Variants in PTPRD observed in about 807,000 individuals in gnomAD.
The protein encoded by PTPRD is receptor-type tyrosine-protein phosphatase delta.
A neutral mutation model predicts 214.5 loss-of-function variants in PTPRD; 34 were observed. The ratio of observed to expected loss-of-function variants is 0.16; its 90% confidence interval spans 0.12 to 0.21. PTPRD has a LOEUF of 0.21. PTPRD is among the 10% of genes least tolerant of loss of function. The pLI, the probability that PTPRD is intolerant of heterozygous loss-of-function variation, is 1.00. For missense variants in PTPRD, 2,545 were observed against 2,398.7 expected (o/e 1.06, Z -1.27); for synonymous variants, 1,128 against 845.7 (o/e 1.33, Z -5.79).
chr9:9,901,425 A>G (rs887846675), intron 5 of PTPRD, among the ~76,000 whole-genome samples: 3 of 134,754 alleles, frequency 2.2e-5, no homozygotes, highest in African/African-American at 6.5e-5. Flanking sequence ...TGCATTGCAA[A>G]GATAATCCTC....
At chr9:8,609,447 T>G (rs750521482) in intron 14 of PTPRD, among the ~76,000 whole-genome samples, 1 of 152,230 alleles carries the variant, frequency 6.6e-6, no homozygotes, top group African/African-American at 2.4e-5. Context: ...AGCATTGCCC[T>G]TATGATAGAA....
intron 5 of PTPRD, among the ~76,000 whole-genome samples, chr9:9,927,222 A>T (rs2084640175): frequency 6.6e-6 from 1 of 152,120 alleles, no homozygotes; most frequent in Non-Finnish European, 1.5e-5. Context: ...TGTAAACTAT[A>T]CCCACTGCTG....
At chr9:8,782,619 A>T (rs2095768045) in intron 11 of PTPRD, among the ~76,000 whole-genome samples, 1 of 134,134 alleles carries the variant, frequency 7.5e-6, no homozygotes, top group Non-Finnish European at 1.5e-5. Context: ...TTTTTTTGAG[A>T]CGGAGTCTCG....
intron 11 of PTPRD, among the ~76,000 whole-genome samples, chr9:8,846,229 T>C (rs934542868): frequency 6.6e-6 from 1 of 152,174 alleles, no homozygotes; most frequent in Non-Finnish European, 1.5e-5. Context: ...CATCGTAAAC[T>C]GTAGAACCTA....
intron 11 of PTPRD, among the ~76,000 whole-genome samples, chr9:8,738,571 A>C (rs2091087340): frequency 6.6e-6 from 1 of 152,108 alleles, no homozygotes; most frequent in Non-Finnish European, 1.5e-5. Context: ...AAAAAAATCC[A>C]AGATGATGAG....
chr9:8,514,129 G>A (rs2097737078), intron 21 of PTPRD, among the ~76,000 whole-genome samples: 1 of 152,112 alleles, frequency 6.6e-6, no homozygotes, highest in South Asian at 2.1e-4. Flanking sequence ...TACCTTCACT[G>A]AGTTATGATT....
At chr9:9,723,218 A>G (rs1189774491) in intron 7 of PTPRD, among the ~76,000 whole-genome samples, 3 of 152,008 alleles carry the variant, frequency 2.0e-5, no homozygotes, top group African/African-American at 7.2e-5. Context: ...ATCTGACTTC[A>G]TTCTTTTACA....
chr9:10,357,584 ATACTGGTTTAATATTAGCAT>A (rs1442488690), intron 2 of PTPRD, among the ~76,000 whole-genome samples: 1 of 152,204 alleles, frequency 6.6e-6, no homozygotes, highest in Non-Finnish European at 1.5e-5. Context: ...TGCTGAAAAC[ATACTGGTTTAATATTAGCAT>A]TATTATATCC....
At position 10,303,784 on chromosome 9, in the gene PTPRD, C is replaced by A. The variant is rs549060418; in HGVS notation, c.-545+37179G>T. 1.3e-3 allele frequency among the ~76,000 whole-genome samples: 202 copies of A among 152,040 alleles called. 3 individuals carry two copies. The highest frequency in any genetic ancestry group is 4.5e-3 in the African/African-American group (187 of 41,454). On this transcript the variant is annotated intron_variant, in intron 3 of 45. Transcript: ENST00000381196. ...AGGCAGTTATTAATAGTCTACCAACCAAAAAATGTCCAGGACCAGATGGAT... is the reference window on the plus strand; with the variant it reads ...AGGCAGTTATTAATAGTCTACCAACAAAAAAATGTCCAGGACCAGATGGAT...
At chr9:9,831,852 G>C (rs2054958898) in intron 5 of PTPRD, among the ~76,000 whole-genome samples, 1 of 151,974 alleles carries the variant, frequency 6.6e-6, no homozygotes, top group African/African-American at 2.4e-5. Context: ...ACATTTGCCA[G>C]AGTTTCTATA....
chr9:9,004,489 T>C (rs1431450031), intron 11 of PTPRD, among the ~76,000 whole-genome samples: 2 of 152,002 alleles, frequency 1.3e-5, no homozygotes, highest in Admixed American at 6.6e-5. Flanking sequence ...TGTTTTTTTT[T>C]ACTTGGCTCT....
At chr9:10,518,333 G>C (rs971784869) in intron 2 of PTPRD, among the ~76,000 whole-genome samples, 1 of 152,012 alleles carries the variant, frequency 6.6e-6, no homozygotes, top group African/African-American at 2.4e-5. Context: ...CCAGAGACTG[G>C]TAAATTCACT....
chr9:10,194,339 TATATATAGAGAGAGAGAGAGAGAG>T (rs1379942004), intron 3 of PTPRD, among the ~76,000 whole-genome samples: 1,664 of 67,788 alleles, frequency 0.025, 10 homozygotes, highest in Middle Eastern at 0.037. Context: ...TATATATATA[TATATATAGAGAGAGAGAGAGAGAG>T]AGAGAGAGAG....
intron 8 of PTPRD, among the ~76,000 whole-genome samples, chr9:9,407,066 A>C (rs971859527): frequency 3.3e-5 from 5 of 151,782 alleles, no homozygotes; most frequent in African/African-American, 1.2e-4. Context: ...ATTTCATAAA[A>C]TACTGTTTTT....
intron 8 of PTPRD, among the ~76,000 whole-genome samples, chr9:9,573,103 A>G (rs989896762): frequency 2.6e-5 from 4 of 151,772 alleles, no homozygotes; most frequent in African/African-American, 9.7e-5. Flanking sequence ...TACTTAAGTT[A>G]CTATCAATAT....
chr9:8,457,259 T>C (rs767586005), intron 33 of PTPRD, among the ~76,000 whole-genome samples: 5 of 152,166 alleles, frequency 3.3e-5, no homozygotes, highest in African/African-American at 7.2e-5. Context: ...TCGGGTTTCT[T>C]GGCTCCTCAG....
At chr9:9,637,057 C>G (rs1352067797) in intron 7 of PTPRD, among the ~76,000 whole-genome samples, 2 of 152,116 alleles carry the variant, frequency 1.3e-5, no homozygotes, top group African/African-American at 4.8e-5. Flanking sequence ...ACAAAGATAA[C>G]ACTCTCATGA....
intron 34 of PTPRD, among the ~76,000 whole-genome samples, chr9:8,441,613 A>T (rs1328073563): frequency 6.6e-6 from 1 of 151,882 alleles, no homozygotes; most frequent in East Asian, 1.9e-4. Flanking sequence ...GAGTGTTGGG[A>T]GTGACAGACT....
intron 8 of PTPRD, among the ~76,000 whole-genome samples, chr9:9,516,698 C>T (rs1027097509): frequency 1.3e-5 from 2 of 151,896 alleles, no homozygotes; most frequent in Non-Finnish European, 2.9e-5. Flanking sequence ...CCACCACACC[C>T]AGTTAATTTT....
Sources: allele counts gnomAD v4.1 joint callset (sites outside exome capture counted in the v4.1 genomes callset), GRCh38; gene constraint gnomAD v4.1.1; transcripts MANE v1.5; gene names NCBI Gene and HGNC (gene_info 2026-07-23, HGNC 2026-07-21).